The following CACNA1C variants were observed in gnomAD, a reference collection of about 807,000 sequenced individuals.
CACNA1C encodes the protein voltage-dependent L-type calcium channel subunit alpha-1C.
Under a neutral mutation model 229.0 loss-of-function variants are expected in CACNA1C, and 30 were observed. The ratio of observed to expected loss-of-function variants is 0.13; its 90% CI spans 0.10 to 0.18. CACNA1C has a LOEUF of 0.18. Among genes scored for constraint, CACNA1C ranks in the 10% least tolerant of loss-of-function variants. The pLI is 1.00. For missense variants in CACNA1C, 1,658 were observed against 2,845.0 expected, an observed-to-expected ratio of 0.58 and a Z score of 9.49; for synonymous variants, 1,114 against 1,132.5, an observed-to-expected ratio of 0.98 and a Z score of 0.33.
At chr12:2,345,679 C>T (rs2096992190) in intron 3 of CACNA1C, among the ~76,000 whole-genome samples, 1 of 152,100 alleles carries the variant, frequency 6.6e-6, no homozygotes, top group South Asian at 2.1e-4. Flanking sequence ...ACTTTTGTCT[C>T]CTTATGCAAA....
At position 2,647,729 on chromosome 12, in the gene CACNA1C, T is replaced by C. The variant is rs2094497417; in HGVS notation, c.3913-746T>C. 6.6e-6 allele frequency among the ~76,000 whole-genome samples: 1 copy of C among 152,226 alleles called. No individual in the cohort carries two copies. Among genetic ancestry groups the C allele is most frequent in the South Asian group, 2.1e-4 (1 of 4,832 alleles). ...AATATATGTGGGCAAGGATAGGCTC[T>C]GGGGTCAGCAAGGCCTCTGTCCTTC... On this transcript the variant is annotated intron_variant, in intron 30 of 46. Coordinates refer to ENST00000399655, the MANE Select transcript of CACNA1C (RefSeq NM_000719.7). The surrounding 1 kb of genome is among the most constrained non-coding windows in gnomAD (Gnocchi z 4.2).
chr12:2,330,987 T>C (rs2096528687), intron 3 of CACNA1C, among the ~76,000 whole-genome samples: 1 of 152,188 alleles, frequency 6.6e-6, no homozygotes, highest in Admixed American at 6.5e-5. Flanking sequence ...TGGAAGTCTC[T>C]GCATCAGGAA....
intron 3 of CACNA1C, among the ~76,000 whole-genome samples, chr12:2,251,754 T>G (rs1425474889): frequency 1.3e-5 from 2 of 152,232 alleles, no homozygotes; most frequent in Non-Finnish European, 2.9e-5. Context: ...GAATGGAGTC[T>G]TCCTAGTTTC....
At position 2,332,016 on chromosome 12, in the gene CACNA1C, A is replaced by C. The variant is rs183231710; in HGVS notation, c.478-116960A>C. ...GCATGGGGTGAAATTTAAGGCCTAC[A>C]GATTAGTTACAGTACTGTGTCCATG... On this transcript the variant is annotated intron_variant, in intron 3 of 46. Transcript: ENST00000399655. Among the ~76,000 whole-genome samples, 279 of 152,340 alleles carry C rather than the reference A, an allele frequency of 1.8e-3. 2 individuals carry two copies. Among genetic ancestry groups the C allele is most frequent in the African/African-American group, 6.3e-3 (261 of 41,578 alleles).
intron 1 of CACNA1C, among the ~76,000 whole-genome samples, chr12:2,114,218 C>A (rs932818301): frequency 6.6e-6 from 1 of 152,188 alleles, no homozygotes; most frequent in East Asian, 1.9e-4. Flanking sequence ...ATTGGAGCAG[C>A]TGGGGGCTGG....
At chr12:2,603,106 A>G (rs2073572113) in intron 22 of CACNA1C, among the ~76,000 whole-genome samples, 1 of 152,120 alleles carries the variant, frequency 6.6e-6, no homozygotes, top group Non-Finnish European at 1.5e-5. Flanking sequence ...ATCATCAGTT[A>G]TATTACCCCA....
intron 1 of CACNA1C, among the ~76,000 whole-genome samples, chr12:2,024,069 T>C (rs529364487): frequency 1.3e-4 from 20 of 152,176 alleles, no homozygotes; most frequent in South Asian, 6.2e-4. Context: ...CTTTTGGGAA[T>C]TGACAGATGT....
At chr12:2,427,707 C>T (rs955191597) in intron 3 of CACNA1C, among the ~76,000 whole-genome samples, 4 of 152,190 alleles carry the variant, frequency 2.6e-5, no homozygotes, top group East Asian at 3.9e-4. Context: ...CTGCAACCTC[C>T]GCCTCCCGGG....
chr12:2,662,683 T>C (rs1406542586), intron 34 of CACNA1C, among the ~76,000 whole-genome samples: 1 of 152,158 alleles, frequency 6.6e-6, no homozygotes, highest in Non-Finnish European at 1.5e-5. Flanking sequence ...CCAAGACAAA[T>C]GTTGAAGAAC....
At chr12:2,099,498 G>A (rs113187289) in intron 1 of CACNA1C, among the ~76,000 whole-genome samples, 4 of 152,206 alleles carry the variant, frequency 2.6e-5, no homozygotes, top group African/African-American at 9.6e-5. Context: ...AGGTTGGGAG[G>A]CAGGCGGCCT....
chr12:2,268,035 T>C (rs536513248), intron 3 of CACNA1C, among the ~76,000 whole-genome samples: 69 of 152,352 alleles, frequency 4.5e-4, no homozygotes, highest in African/African-American at 1.7e-3. Flanking sequence ...TTTTAGGTTC[T>C]TTGATTCTCT....
chr12:2,020,320 G>A (rs887093568), intron 1 of CACNA1C: 3 of 152,190 alleles, frequency 2.0e-5, no homozygotes, highest in South Asian at 2.1e-4. Context: ...TGAGGATCAG[G>A]GAGATTGAAT....
rs2153795505 is a variant in CACNA1C, at chr12:2,678,434, AT to A, written c.5091+568del. ...AGACTGAAGCTGCCCAGCAGTTGCAATAGTGAAAATTAAAACGGCTGTACCA... is the reference window on the plus strand; with the variant it reads ...AGACTGAAGCTGCCCAGCAGTTGCAAAGTGAAAATTAAAACGGCTGTACCA... On this transcript the variant is annotated intron_variant, in intron 41 of 46. Transcript: ENST00000399655. This position sits in a 1 kb window ranked among gnomAD's most constrained non-coding sequence, Gnocchi z 4.1. Among the ~76,000 whole-genome samples, 1 of 152,262 alleles carries A rather than the reference AT, an allele frequency of 6.6e-6. No homozygotes were observed. The highest frequency in any genetic ancestry group is 1.9e-4 in the East Asian group (1 of 5,176).
chr12:2,691,489 G>A lies in CACNA1C; in HGVS notation c.*290G>A, dbSNP rs749753216. ...CCGGGCCCGGCCGCGCCTCCGCGGGGAGAGCACCCCGGCTTCCCGCGCGCC... is the reference window on the plus strand; with the variant it reads ...CCGGGCCCGGCCGCGCCTCCGCGGGAAGAGCACCCCGGCTTCCCGCGCGCC... On this transcript the variant is annotated 3_prime_UTR_variant, in exon 47 of 47. Coordinates refer to ENST00000399655, the MANE Select transcript of CACNA1C (RefSeq NM_000719.7). 73 of 341,692 alleles carry A rather than the reference G, an allele frequency of 2.1e-4. No homozygotes were observed. The highest frequency in any genetic ancestry group is 1.5e-3 in the Middle Eastern group (2 of 1,306). The allele number at this position is 341,692 out of a possible 1,614,324, so 21.2% of individuals were successfully genotyped here. A position where few individuals can be genotyped will look rare whatever the true frequency, so the allele number is the denominator to read the frequency against.
chr12:2,277,593 G>A (rs1381628167), intron 3 of CACNA1C, among the ~76,000 whole-genome samples: 1 of 152,176 alleles, frequency 6.6e-6, no homozygotes, highest in Admixed American at 6.5e-5. Context: ...AAGGGCTGCT[G>A]CAAAGATCTC....
chr12:2,663,355 CT>C (rs2095863417), intron 34 of CACNA1C, among the ~76,000 whole-genome samples: 1 of 152,178 alleles, frequency 6.6e-6, no homozygotes, highest in South Asian at 2.1e-4. Context: ...AAAGGGAACA[CT>C]TTTACCCCGC....
At chr12:2,353,950 G>A (rs1434339807) in intron 3 of CACNA1C, among the ~76,000 whole-genome samples, 1 of 152,210 alleles carries the variant, frequency 6.6e-6, no homozygotes, top group Non-Finnish European at 1.5e-5. Context: ...TGTGTGGCAG[G>A]ATGAGACGCT....
At chr12:2,457,386 C>T (rs1159054388) in intron 4 of CACNA1C, among the ~76,000 whole-genome samples, 181 bp from the exon 5 acceptor site, 3 of 152,246 alleles carry the variant, frequency 2.0e-5, no homozygotes, top group African/African-American at 7.2e-5. Context: ...TGGCCACCAC[C>T]CACACTGAGG....
intron 3 of CACNA1C, among the ~76,000 whole-genome samples, chr12:2,257,660 C>A (rs1233456224): frequency 6.6e-6 from 1 of 152,216 alleles, no homozygotes; most frequent in Non-Finnish European, 1.5e-5. Context: ...GGGACCCCCG[C>A]TCTAGCGTGT....
Sources: allele counts gnomAD v4.1 joint callset (sites outside exome capture counted in the v4.1 genomes callset), GRCh38; gene constraint gnomAD v4.1.1; non-coding constraint Gnocchi (gnomAD v3.1); transcripts MANE v1.5; gene names NCBI Gene and HGNC (gene_info 2026-07-23, HGNC 2026-07-21).